The following NEDD9 variants were observed in gnomAD, a reference collection of about 807,000 sequenced individuals.
NEDD9 encodes the protein neural precursor cell expressed, developmentally down-regulated 9, also known as enhancer of filamentation 1.
In NEDD9, 26 loss-of-function variants were observed where a neutral mutation model predicts 76.6. That is an observed-to-expected ratio of 0.34 (90% confidence interval 0.25 to 0.47). NEDD9 has a LOEUF of 0.47. Among genes scored for constraint, NEDD9 ranks in the 20% least tolerant of loss-of-function variants. NEDD9 has a pLI of 1.00. For missense variants in NEDD9, 937 were observed against 1,058.5 expected (o/e 0.89, Z 1.59); for synonymous variants, 392 against 414.2 (o/e 0.95, Z 0.65).
intron 1 of NEDD9, among the ~76,000 whole-genome samples, chr6:11,222,737 A>C (rs1019986429): frequency 1.3e-5 from 2 of 152,168 alleles, no homozygotes; most frequent in African/African-American, 4.8e-5. Flanking sequence ...CTTGAATGAA[A>C]CTCTGCGCTT....
intron 3 of NEDD9, among the ~76,000 whole-genome samples, chr6:11,304,013 G>C (rs576941021): frequency 1.4e-3 from 214 of 152,302 alleles, no homozygotes; most frequent in African/African-American, 5.0e-3. Context: ...CCATCAGAGT[G>C]AACAGGCAGC....
intron 2 of NEDD9, chr6:11,207,477 C>T (rs1302990323): frequency 2.0e-5 from 3 of 152,200 alleles, no homozygotes; most frequent in Non-Finnish European, 4.4e-5. Context: ...GCCTGGAAGA[C>T]CTGGCTAAAA....
At chr6:11,343,640 T>C (rs1762315272) in intron 1 of NEDD9, among the ~76,000 whole-genome samples, 1 of 152,172 alleles carries the variant, frequency 6.6e-6, no homozygotes, top group Non-Finnish European at 1.5e-5. Context: ...CCAAGAACAG[T>C]GCCTAGCACA....
chr6:11,210,157 GCCACCAC>G (rs1354521762), intron 2 of NEDD9, among the ~76,000 whole-genome samples: 5 of 151,960 alleles, frequency 3.3e-5, no homozygotes, highest in African/African-American at 1.2e-4. Flanking sequence ...CTAGTCCTAG[GCCACCAC>G]CCACAAAACT....
At chr6:11,212,125 G>A (rs1758801375) in intron 2 of NEDD9, among the ~76,000 whole-genome samples, 1 of 152,174 alleles carries the variant, frequency 6.6e-6, no homozygotes, top group South Asian at 2.1e-4. Context: ...AGATTTACTT[G>A]GGGCAGGACA....
At chr6:11,249,012 G>T in intron 3 of NEDD9, 3 of 418,832 alleles carry the variant, frequency 7.2e-6, no homozygotes, top group South Asian at 3.6e-5. Context: ...ATATGCCAGT[G>T]ACTCACCAGT....
intron 3 of NEDD9, among the ~76,000 whole-genome samples, chr6:11,247,024 A>G (rs542554396): frequency 2.6e-5 from 4 of 152,250 alleles, no homozygotes; most frequent in South Asian, 4.1e-4. Context: ...CAGCCAAACA[A>G]GATTTGTGCT....
intron 1 of NEDD9, among the ~76,000 whole-genome samples, chr6:11,337,165 C>T (rs1043255144): frequency 1.3e-5 from 2 of 152,134 alleles, no homozygotes; most frequent in African/African-American, 4.8e-5. Context: ...TTGCAGTGAG[C>T]CCAGATCATG....
intron 1 of NEDD9, among the ~76,000 whole-genome samples, chr6:11,336,446 T>C (rs1051407840): frequency 6.6e-6 from 1 of 152,210 alleles, no homozygotes; most frequent in African/African-American, 2.4e-5. Context: ...GGCAACACAA[T>C]GGTAAGTATT....
At chr6:11,250,251 T>C (rs1275826002) in intron 3 of NEDD9, among the ~76,000 whole-genome samples, 1 of 152,224 alleles carries the variant, frequency 6.6e-6, no homozygotes, top group East Asian at 1.9e-4. Context: ...TTTTGTGAGA[T>C]GCTGGCCCTG....
At chr6:11,312,234 A>G (rs572649496) in intron 2 of NEDD9, among the ~76,000 whole-genome samples, 1 of 151,994 alleles carries the variant, frequency 6.6e-6, no homozygotes, top group African/African-American at 2.4e-5. Context: ...GTTAATCCAA[A>G]TGGATATTTT....
chr6:11,202,305 C>G (rs368508371), intron 2 of NEDD9, among the ~76,000 whole-genome samples: 2 of 148,734 alleles, frequency 1.3e-5, no homozygotes, highest in African/African-American at 5.0e-5. Context: ...TTTAGCTTTC[C>G]AAAACTGCCT....
intron 2 of NEDD9, among the ~76,000 whole-genome samples, chr6:11,330,886 C>A (rs553884650): frequency 7.9e-4 from 121 of 152,278 alleles, no homozygotes; most frequent in African/African-American, 2.8e-3. Context: ...GTTAACCTAG[C>A]ACTGCTTTAG....
In NEDD9 at chr6:11,230,081, A is replaced by G. The variant is rs11968506; in HGVS notation, c.12+2423T>C. ...TTTAGAGATAATTCCTGTCTCTGGG[A>G]TTTTACCATCTAATAATTATCTGGT... On this transcript the variant is annotated intron_variant, in intron 1 of 6. Coordinates refer to ENST00000379446, the MANE Select transcript of NEDD9 (RefSeq NM_006403.4). Among the ~76,000 whole-genome samples the G allele has an allele frequency of 4.5e-3, 692 of 152,326 alleles. 4 individuals carry two copies. The highest frequency in any genetic ancestry group is 0.016 in the African/African-American group (648 of 41,572).
intron 3 of NEDD9, among the ~76,000 whole-genome samples, chr6:11,288,670 C>T (rs998404263): frequency 7.2e-5 from 11 of 152,366 alleles, no homozygotes; most frequent in African/African-American, 2.2e-4. Flanking sequence ...CTCCTTCTTT[C>T]TTGCTTCTTT....
Position 11,185,373 on chromosome 6 carries a change from C to T in NEDD9, c.2294G>A (p.Arg765Gln). ...GCGAATGTCCTGGGCAGTCACCTGC[C>T]GTGTCAGCGTGTCTCCAATGAACAC... ...KLVFIGDTLT[R>Q]QVTAQDIRNK... The change falls in exon 7 of 7, where the codon CGG becomes CAG. Residue 765 changes from arginine (R) to glutamine (Q), a missense_variant. Physicochemically the swap from Arg to Gln is conservative, Grantham distance 43. Coordinates refer to ENST00000379446, the MANE Select transcript of NEDD9 (RefSeq NM_006403.4). The T allele has an allele frequency of 1.2e-6, 2 of 1,614,194 alleles. No homozygotes were observed. Among genetic ancestry groups the T allele is most frequent in the Non-Finnish European group, 8.5e-7 (1 of 1,180,024 alleles).
At chr6:11,373,571 GGCTGGCTTTCCT>G (rs1362750444) in intron 1 of NEDD9, among the ~76,000 whole-genome samples, 1 of 152,214 alleles carries the variant, frequency 6.6e-6, no homozygotes, top group Non-Finnish European at 1.5e-5. Flanking sequence ...GATTTTGTCT[GGCTGGCTTTCCT>G]GCTGAATCCC....
intron 3 of NEDD9, among the ~76,000 whole-genome samples, chr6:11,302,875 A>G (rs1761087406): frequency 6.6e-6 from 1 of 152,236 alleles, no homozygotes; most frequent in Non-Finnish European, 1.5e-5. Flanking sequence ...TCAAAATAAT[A>G]AGAGCTATTT....
At chr6:11,314,546 C>G (rs757418511) in intron 2 of NEDD9, among the ~76,000 whole-genome samples, 2 of 152,142 alleles carry the variant, frequency 1.3e-5, no homozygotes, top group African/African-American at 2.4e-5. Context: ...AGCTTTTATG[C>G]CCCCTCAAAA....
Sources: allele counts gnomAD v4.1 joint callset (sites outside exome capture counted in the v4.1 genomes callset), GRCh38; gene constraint gnomAD v4.1.1; transcripts MANE v1.5; gene names NCBI Gene and HGNC (gene_info 2026-07-23, HGNC 2026-07-21).